Variants in PPFIBP1 observed in about 807,000 individuals in gnomAD.
PPFIBP1 encodes the protein PPFIB scaffold protein 1, also known as liprin-beta-1.
In PPFIBP1, 112 loss-of-function variants were observed where a neutral mutation model predicts 137.8. The observed-to-expected ratio is 0.81, with a 90% CI of 0.70 to 0.95. The LOEUF is 0.95. Among genes scored for constraint, PPFIBP1 ranks in the 40% least tolerant of loss-of-function variants. PPFIBP1 has a pLI of 0.00. For synonymous variants in PPFIBP1, 378 were observed against 417.3 expected (o/e 0.91, Z 1.15); for missense variants, 1,083 against 1,196.6 (o/e 0.91, Z 1.40).
At chr12:27,676,650 G>A in intron 18 of PPFIBP1, 51 bp downstream of exon 18, 1 of 1,391,094 alleles carries the variant, frequency 7.2e-7, no homozygotes, top group South Asian at 1.4e-5. Context: ...AGGAGGAAAA[G>A]AGCAGTGTCT....
chr12:27,590,330 C>T (rs773736883), intron 2 of PPFIBP1, among the ~76,000 whole-genome samples: 3 of 152,124 alleles, frequency 2.0e-5, no homozygotes, highest in Non-Finnish European at 2.9e-5. Flanking sequence ...CCCCTGCCAC[C>T]ATACCTGGCT....
intron 4 of PPFIBP1, among the ~76,000 whole-genome samples, chr12:27,641,046 T>A (rs1188956866): frequency 6.6e-6 from 1 of 152,212 alleles, no homozygotes; most frequent in African/African-American, 2.4e-5. Flanking sequence ...GCGTGACAAT[T>A]TTAATAACTA....
Position 27,646,136 on chromosome 12 carries a change from C to A in PPFIBP1, c.345C>A (p.Ser115=). Residue 115 remains serine, a synonymous_variant, in exon 5 of 30, where the codon TCC becomes TCA. Transcript: ENST00000228425. ...RLARLENDKE[S]LVLQVSVLTD... ...CACGTTTAGAAAATGATAAAGAATCCCTCGTTCTTCAGGCAAGTGATTTTT... is the reference window on the plus strand; with the variant it reads ...CACGTTTAGAAAATGATAAAGAATCACTCGTTCTTCAGGCAAGTGATTTTT... The A allele has an allele frequency of 1.2e-6, 2 of 1,606,320 alleles. No individual in the cohort carries two copies. Among genetic ancestry groups the A allele is most frequent in the South Asian group, 1.1e-5 (1 of 90,884 alleles).
intron 1 of PPFIBP1, among the ~76,000 whole-genome samples, chr12:27,566,380 T>C (rs2049673806): frequency 6.6e-6 from 1 of 150,880 alleles, no homozygotes; most frequent in Admixed American, 6.6e-5. Flanking sequence ...CCACCTGCTG[T>C]TCGCAAAATA....
rs1455003556 is a variant in PPFIBP1 at position 27,691,793 on chromosome 12, G to C, written c.2730G>C (p.Lys910Asn). Reference protein sequence around the residue: ...AFSNFGNLRKKKQEDGEEYVC... With the variant: ...AFSNFGNLRKNKQEDGEEYVC... Reference sequence around the variant, plus strand: ...GCAATTTTGGGAATTTGAGAAAGAAGAAACAGGAAGATGGTGAAGAATATG... The same window carrying C: ...GCAATTTTGGGAATTTGAGAAAGAACAAACAGGAAGATGGTGAAGAATATG... Residue 910 changes from lysine (K) to asparagine (N), a missense_variant, in exon 28 of 30, where the codon AAG becomes AAC. Coordinates refer to ENST00000228425, the MANE Select transcript of PPFIBP1 (RefSeq NM_003622.4). The C allele has an allele frequency of 1.2e-6, 2 of 1,612,158 alleles. No homozygotes were observed. Among genetic ancestry groups the C allele is most frequent in the African/African-American group, 1.3e-5 (1 of 74,888 alleles).
intron 12 of PPFIBP1, among the ~76,000 whole-genome samples, chr12:27,665,962 T>G (rs143901475): frequency 4.9e-4 from 75 of 152,368 alleles, no homozygotes; most frequent in African/African-American, 1.6e-3. Flanking sequence ...ATTGCAAATT[T>G]GTAAGTGATT....
rs114882646 is a variant in PPFIBP1, at chr12:27,591,309, C to A, written c.-36+13070C>A. On this transcript the variant is annotated intron_variant, in intron 2 of 29. Coordinates refer to ENST00000228425, the MANE Select transcript of PPFIBP1 (RefSeq NM_003622.4). ...CAGAAGAAGGAGGACGTTGAGTGAA[C>A]CTGTGATTGAATGAGGAGGATGGTA... Among the ~76,000 whole-genome samples, 291 of 152,054 alleles carry A rather than the reference C, an allele frequency of 1.9e-3. 2 individuals are homozygous for A. Among genetic ancestry groups the A allele is most frequent in the African/African-American group, 6.4e-3 (266 of 41,478 alleles).
At chr12:27,605,869 T>C (rs1366547618) in intron 2 of PPFIBP1, among the ~76,000 whole-genome samples, 1 of 152,232 alleles carries the variant, frequency 6.6e-6, no homozygotes, top group South Asian at 2.1e-4. Context: ...TATATTAAAA[T>C]TATTGTCTTG....
intron 1 of PPFIBP1, among the ~76,000 whole-genome samples, chr12:27,558,597 A>ACACG (rs2048902242): frequency 7.7e-5 from 2 of 25,988 alleles, no homozygotes; most frequent in African/African-American, 1.9e-4. Flanking sequence ...CTCTCCACCA[A>ACACG]CACACACACA....
At chr12:27,604,378 G>T (rs540294601) in intron 2 of PPFIBP1, among the ~76,000 whole-genome samples, 1 of 152,152 alleles carries the variant, frequency 6.6e-6, no homozygotes. Context: ...GAGCAGAACC[G>T]CAACAGGTGA....
chr12:27,649,632 C>A (rs554549816), intron 6 of PPFIBP1, among the ~76,000 whole-genome samples: 1 of 152,178 alleles, frequency 6.6e-6, no homozygotes, highest in East Asian at 1.9e-4. Flanking sequence ...CTCCCTGTAA[C>A]CTCCGCCTCC....
intron 3 of PPFIBP1, among the ~76,000 whole-genome samples, 200 bp downstream of exon 3, chr12:27,633,660 A>C (rs1272228241): frequency 6.6e-6 from 1 of 152,074 alleles, no homozygotes; most frequent in Non-Finnish European, 1.5e-5. Context: ...AGTATCAAAA[A>C]TTTCAGTTCC....
chr12:27,681,495 C>T (rs762257415), intron 21 of PPFIBP1, 51 bp from the exon 22 acceptor site: 1 of 1,576,994 alleles, frequency 6.3e-7, no homozygotes, highest in Non-Finnish European at 8.7e-7. Flanking sequence ...AATGATAAGC[C>T]ACAGGATTGG....
intron 2 of PPFIBP1, among the ~76,000 whole-genome samples, chr12:27,627,486 G>A (rs2056917023): frequency 6.6e-6 from 1 of 152,128 alleles, no homozygotes; most frequent in African/African-American, 2.4e-5. Context: ...TCTATCTTGG[G>A]TAAGAAGTTC....
intron 2 of PPFIBP1, among the ~76,000 whole-genome samples, chr12:27,622,478 C>T (rs1214175987): frequency 2.0e-5 from 3 of 152,204 alleles, no homozygotes; most frequent in African/African-American, 4.8e-5. Context: ...AGACCGGTAA[C>T]AGTTTGTGCA....
At chr12:27,647,645 T>C in intron 5 of PPFIBP1, 84 bp from the exon 6 acceptor site, 1 of 839,760 alleles carries the variant, frequency 1.2e-6, no homozygotes, top group Non-Finnish European at 1.8e-6. Flanking sequence ...GATCATTCCT[T>C]TTTTTGTTCC....
chr12:27,626,891 A>G (rs1331530629), intron 2 of PPFIBP1, among the ~76,000 whole-genome samples: 1 of 152,190 alleles, frequency 6.6e-6, no homozygotes, highest in African/African-American at 2.4e-5. Flanking sequence ...ACTAGCTCAC[A>G]GGTGATGCTG....
chr12:27,529,991 C>G (rs1944233917), intron 1 of PPFIBP1, among the ~76,000 whole-genome samples: 1 of 152,220 alleles, frequency 6.6e-6, no homozygotes, highest in African/African-American at 2.4e-5. Flanking sequence ...TATTATCTTA[C>G]TACCACAGAA....
At chr12:27,603,371 G>A (rs1356938154) in intron 2 of PPFIBP1, among the ~76,000 whole-genome samples, 1 of 152,140 alleles carries the variant, frequency 6.6e-6, no homozygotes, top group African/African-American at 2.4e-5. Context: ...TAATTGAGGA[G>A]ACAAACTCCT....
Sources: allele counts gnomAD v4.1 joint callset (sites outside exome capture counted in the v4.1 genomes callset), GRCh38; gene constraint gnomAD v4.1.1; transcripts MANE v1.5; gene names NCBI Gene and HGNC (gene_info 2026-07-23, HGNC 2026-07-21).